The following CACNA1C variants were observed in gnomAD, a reference collection of about 807,000 sequenced individuals.
CACNA1C encodes the protein calcium voltage-gated channel subunit alpha1 C.
CACNA1C carries 30 observed loss-of-function variants against 229.0 expected under a neutral mutation model. The observed-to-expected ratio is 0.13, with a 90% CI of 0.10 to 0.18. The LOEUF is 0.18. Ranked by LOEUF, CACNA1C falls within the 10% of genes least tolerant of loss-of-function variation. CACNA1C has a pLI of 1.00. For missense variants in CACNA1C, 1,658 were observed against 2,845.0 expected, an observed-to-expected ratio of 0.58 and a Z score of 9.49; for synonymous variants, 1,114 against 1,132.5, an observed-to-expected ratio of 0.98 and a Z score of 0.33.
intron 2 of CACNA1C, among the ~76,000 whole-genome samples, chr12:2,118,600 G>A (rs2085082637): frequency 6.6e-6 from 1 of 152,194 alleles, no homozygotes; most frequent in Admixed American, 6.5e-5. Context: ...GATCACAAGC[G>A]TACATTCCAC....
At chr12:2,223,034 G>A (rs1033915389) in intron 3 of CACNA1C, among the ~76,000 whole-genome samples, 6 of 152,102 alleles carry the variant, frequency 3.9e-5, no homozygotes, top group Non-Finnish European at 7.3e-5. Context: ...TTTACATACT[G>A]GAATGGACAC....
chr12:2,332,706 A>C (rs1374802226), intron 3 of CACNA1C, among the ~76,000 whole-genome samples: 2 of 152,234 alleles, frequency 1.3e-5, no homozygotes, highest in Non-Finnish European at 2.9e-5. Flanking sequence ...TGCCCATTTA[A>C]TGATGTCTCT....
At chr12:2,531,936 G>C (rs1345967148) in intron 9 of CACNA1C, among the ~76,000 whole-genome samples, 1 of 152,088 alleles carries the variant, frequency 6.6e-6, no homozygotes, top group African/African-American at 2.4e-5. Context: ...GAACTTACCA[G>C]TCACAAAAAA....
At chr12:2,224,834 C>T (rs538692709) in intron 3 of CACNA1C, among the ~76,000 whole-genome samples, 10 of 152,198 alleles carry the variant, frequency 6.6e-5, no homozygotes, top group South Asian at 4.2e-4. Context: ...ATGATAATGT[C>T]GTATTTGCTT....
intron 18 of CACNA1C, among the ~76,000 whole-genome samples, chr12:2,590,604 G>T (rs1310166861): frequency 1.3e-5 from 2 of 152,088 alleles, no homozygotes; most frequent in African/African-American, 2.4e-5. Flanking sequence ...TGTGCCTGAG[G>T]TTCAGCTGCT....
chr12:2,234,205 G>A (rs2066429622), intron 3 of CACNA1C, among the ~76,000 whole-genome samples: 1 of 152,132 alleles, frequency 6.6e-6, no homozygotes, highest in African/African-American at 2.4e-5. Flanking sequence ...GGAAAAGATG[G>A]GAGTGCTGAA....
chr12:2,389,932 C>T (rs1441016200), intron 3 of CACNA1C, among the ~76,000 whole-genome samples: 1 of 152,250 alleles, frequency 6.6e-6, no homozygotes, highest in African/African-American at 2.4e-5. Flanking sequence ...TCAGAGTGCA[C>T]AGGAGGCTGC....
chr12:2,289,176 G>C (rs763605571), intron 3 of CACNA1C, among the ~76,000 whole-genome samples: 2 of 149,374 alleles, frequency 1.3e-5, no homozygotes, highest in Non-Finnish European at 2.9e-5. Context: ...GCAGTGTCAG[G>C]GGGTGCAGAC....
chr12:2,330,057 A>G (rs1389751576), intron 3 of CACNA1C, among the ~76,000 whole-genome samples: 2 of 152,256 alleles, frequency 1.3e-5, no homozygotes, highest in East Asian at 3.8e-4. Context: ...ACTAAGAAAG[A>G]CAAGCTGAAC....
intron 1 of CACNA1C, among the ~76,000 whole-genome samples, chr12:2,030,409 T>C (rs2048032017): frequency 6.6e-6 from 1 of 152,154 alleles, no homozygotes; most frequent in Admixed American, 6.5e-5. Flanking sequence ...TGTTTTAATT[T>C]CCTTACTCTC....
At chr12:2,280,117 C>A (rs1376226746) in intron 3 of CACNA1C, among the ~76,000 whole-genome samples, 1 of 152,188 alleles carries the variant, frequency 6.6e-6, no homozygotes, top group Admixed American at 6.5e-5. Context: ...GCTGTTGATG[C>A]CTTGCTGTGC....
chr12:2,149,721 T>G (rs2095057664), intron 3 of CACNA1C, among the ~76,000 whole-genome samples: 1 of 152,070 alleles, frequency 6.6e-6, no homozygotes, highest in South Asian at 2.1e-4. Context: ...GGGACCCAAA[T>G]TTAAGAGAGC....
intron 9 of CACNA1C, among the ~76,000 whole-genome samples, chr12:2,547,072 C>T (rs184843611): frequency 5.3e-5 from 8 of 152,244 alleles, no homozygotes; most frequent in Admixed American, 1.3e-4. Flanking sequence ...GCAGTGACCC[C>T]GCTTGAGCCT....
chr12:2,402,259 T>C (rs2154551339), intron 3 of CACNA1C, among the ~76,000 whole-genome samples: 1 of 152,366 alleles, frequency 6.6e-6, no homozygotes, highest in African/African-American at 2.4e-5. Flanking sequence ...ATATTATGCT[T>C]CTCCTCTTGT....
chr12:2,673,533 G>A (rs2096654443), intron 38 of CACNA1C, among the ~76,000 whole-genome samples: 2 of 152,048 alleles, frequency 1.3e-5, no homozygotes, highest in South Asian at 4.1e-4. Context: ...GTCCAGCAGT[G>A]GTGAAGCTGG....
intron 1 of CACNA1C, among the ~76,000 whole-genome samples, chr12:2,015,654 G>A (rs1029640058): frequency 6.6e-6 from 1 of 152,196 alleles, no homozygotes; most frequent in African/African-American, 2.4e-5. Flanking sequence ...CCCATGGCCA[G>A]GGCTCATCCA....
At position 2,163,625 on chromosome 12, in the gene CACNA1C, G is replaced by A. The variant is rs190072774; in HGVS notation, c.477+43195G>A. On this transcript the variant is annotated intron_variant, in intron 3 of 46. Transcript: ENST00000399655. ...CACAGAAAGAATGGGATCCAGAAGC[G>A]TCTTCCAGCATGGTCCAGGTGCCAG... Among the ~76,000 whole-genome samples the A allele has an allele frequency of 1.1e-4, 16 of 152,290 alleles. No individual in the cohort carries two copies. In the East Asian group the frequency reaches 2.5e-3, roughly 24 times the overall value.
chr12:1,987,490 T>C (rs140205616), intron 1 of CACNA1C, among the ~76,000 whole-genome samples: 91 of 152,350 alleles, frequency 6.0e-4, no homozygotes, highest in African/African-American at 1.7e-3. Flanking sequence ...GTGAACTTCA[T>C]AGCAAATAGA....
chr12:2,376,762 T>C (rs2154543672), intron 3 of CACNA1C, among the ~76,000 whole-genome samples: 1 of 152,282 alleles, frequency 6.6e-6, no homozygotes, highest in South Asian at 2.1e-4. Flanking sequence ...TAAGCAATCC[T>C]ACATTCTTGA....
Sources: allele counts gnomAD v4.1 joint callset (sites outside exome capture counted in the v4.1 genomes callset), GRCh38; gene constraint gnomAD v4.1.1; transcripts MANE v1.5; gene names NCBI Gene and HGNC (gene_info 2026-07-23, HGNC 2026-07-21).